TCF12: variants seen among roughly 807,000 people sequenced by gnomAD.
TCF12 encodes the protein transcription factor 12.
A neutral mutation model predicts 86.0 loss-of-function variants in TCF12; 45 were observed. The observed-to-expected ratio is 0.52, with a 90% CI of 0.41 to 0.67. TCF12 has a LOEUF of 0.67. Among genes scored for constraint, TCF12 ranks in the 30% least tolerant of loss-of-function variants. The pLI is 0.00. For missense variants in TCF12, 881 were observed against 859.9 expected (o/e 1.02, Z -0.31); for synonymous variants, 330 against 299.6 (o/e 1.10, Z -1.05).
At chr15:57,145,884 T>C (rs1465573517) in intron 5 of TCF12, among the ~76,000 whole-genome samples, 1 of 152,332 alleles carries the variant, frequency 6.6e-6, no homozygotes, top group East Asian at 1.9e-4. Flanking sequence ...TCTGAAGCTT[T>C]ATTGCTTATA....
At chr15:57,025,395 A>G (rs1005820729) in intron 3 of TCF12, among the ~76,000 whole-genome samples, 1 of 152,100 alleles carries the variant, frequency 6.6e-6, no homozygotes, top group African/African-American at 2.4e-5. Context: ...CCTTTTCACT[A>G]AAATCACATT....
At chr15:57,263,695 T>C (rs1394932951) in intron 18 of TCF12, among the ~76,000 whole-genome samples, 9 of 152,218 alleles carry the variant, frequency 5.9e-5, no homozygotes, top group African/African-American at 1.9e-4. Flanking sequence ...CTAGGCAATT[T>C]CATCATTGTG....
chr15:57,116,233 A>G (rs1185230821), intron 5 of TCF12, among the ~76,000 whole-genome samples: 4 of 152,244 alleles, frequency 2.6e-5, no homozygotes, highest in African/African-American at 7.2e-5. Flanking sequence ...TCCTACATAT[A>G]CACATTTTCA....
At chr15:57,248,932 A>G (rs1426431276) in intron 13 of TCF12, among the ~76,000 whole-genome samples, 5 of 152,230 alleles carry the variant, frequency 3.3e-5, no homozygotes, top group Admixed American at 6.5e-5. Context: ...CATGCTGACA[A>G]TTCTGAGGCA....
At chr15:57,160,931 C>G (rs965428983) in intron 5 of TCF12, among the ~76,000 whole-genome samples, 3 of 152,074 alleles carry the variant, frequency 2.0e-5, no homozygotes, top group Admixed American at 2.0e-4. Flanking sequence ...CTCTAGCAGT[C>G]CTCCCACCTC....
At chr15:57,161,624 G>A (rs2054510293) in intron 5 of TCF12, among the ~76,000 whole-genome samples, 1 of 152,146 alleles carries the variant, frequency 6.6e-6, no homozygotes, top group South Asian at 2.1e-4. Context: ...GGAGTCCAGA[G>A]AATCCCAGGA....
intron 3 of TCF12, among the ~76,000 whole-genome samples, chr15:56,956,728 A>G (rs2061517884): frequency 6.6e-6 from 1 of 152,158 alleles, no homozygotes; most frequent in African/African-American, 2.4e-5. Context: ...TGTAATATCC[A>G]GTGAGAAATC....
At chr15:57,234,506 T>A (rs952778792) in intron 12 of TCF12, among the ~76,000 whole-genome samples, 2 of 152,124 alleles carry the variant, frequency 1.3e-5, no homozygotes, top group Non-Finnish European at 2.9e-5. Flanking sequence ...TATTTTTTTT[T>A]AAAGTCAACT....
At chr15:56,965,399 C>A (rs1446164634) in intron 3 of TCF12, among the ~76,000 whole-genome samples, 2 of 152,162 alleles carry the variant, frequency 1.3e-5, no homozygotes, top group African/African-American at 4.8e-5. Context: ...ATACAGTTCT[C>A]ACTTTTTAGA....
chr15:57,007,824 C>CTCTT (rs2064522426), intron 3 of TCF12, among the ~76,000 whole-genome samples: 1 of 126,120 alleles, frequency 7.9e-6, no homozygotes, highest in Non-Finnish European at 1.7e-5. Flanking sequence ...CTTTCTTTTT[C>CTCTT]TTTCTTTCTT....
chr15:57,124,771 G>A (rs913468447), intron 5 of TCF12, among the ~76,000 whole-genome samples: 26 of 151,614 alleles, frequency 1.7e-4, no homozygotes, highest in Non-Finnish European at 1.5e-4. Context: ...TCCGTCTCCC[G>A]GGTTCACGCC....
chr15:57,095,244 T>G (rs1419579109), intron 5 of TCF12, among the ~76,000 whole-genome samples: 1 of 152,240 alleles, frequency 6.6e-6, no homozygotes, highest in Non-Finnish European at 1.5e-5. Flanking sequence ...AATCCCATGG[T>G]CATTCAAGGC....
At chr15:56,922,476 CTG>C (rs1412934942) in intron 3 of TCF12, among the ~76,000 whole-genome samples, 1 of 151,908 alleles carries the variant, frequency 6.6e-6, no homozygotes, top group Admixed American at 6.6e-5. Flanking sequence ...TTTATGTAGT[CTG>C]TGAAATTAAA....
At chr15:57,170,718 TA>T (rs1232011075) in intron 6 of TCF12, among the ~76,000 whole-genome samples, 680 of 3,266 alleles carry the variant, frequency 0.21, 50 homozygotes, top group African/African-American at 0.34. Flanking sequence ...ATATAATATA[TA>T]TATTATATAT....
chr15:56,918,163 G>C, upstream of TCF12: 1 of 455,638 alleles, frequency 2.2e-6, no homozygotes, highest in Non-Finnish European at 4.4e-6. Flanking sequence ...CTCCTGGACG[G>C]GAGCCTCTGG....
intron 19 of TCF12, among the ~76,000 whole-genome samples, chr15:57,280,055 G>A (rs1238457683): frequency 6.6e-6 from 1 of 151,822 alleles, no homozygotes; most frequent in East Asian, 1.9e-4. Context: ...CACCACGCCT[G>A]GCTCACTTTT....
At chr15:57,264,000 A>C (rs1465072439) in intron 18 of TCF12, among the ~76,000 whole-genome samples, 1 of 152,128 alleles carries the variant, frequency 6.6e-6, no homozygotes, top group Non-Finnish European at 1.5e-5. Context: ...CTTTACAGAC[A>C]CTGTACATTT....
intron 3 of TCF12, among the ~76,000 whole-genome samples, chr15:56,990,630 C>T (rs2063405789): frequency 6.6e-6 from 1 of 152,080 alleles, no homozygotes. Context: ...CACTACTCTA[C>T]ATATCTGTTG....
intron 3 of TCF12, among the ~76,000 whole-genome samples, chr15:56,996,076 G>A (rs2063698620): frequency 6.6e-6 from 1 of 152,054 alleles, no homozygotes; most frequent in South Asian, 2.1e-4. Context: ...TGTTTATGTG[G>A]TGAATCACAT....
Sources: allele counts gnomAD v4.1 joint callset (sites outside exome capture counted in the v4.1 genomes callset), GRCh38; gene constraint gnomAD v4.1.1; transcripts MANE v1.5; gene names NCBI Gene and HGNC (gene_info 2026-07-23, HGNC 2026-07-21).